Variants in ALKBH8 observed in about 807,000 individuals in gnomAD.
ALKBH8 encodes the protein alkB homolog 8, tRNA methyltransferase.
A neutral mutation model predicts 59.8 loss-of-function variants in ALKBH8; 36 were observed. That is an observed-to-expected ratio of 0.60 (90% CI 0.46 to 0.79). The LOEUF (loss-of-function observed/expected upper bound fraction) is 0.79, where lower values mean the gene tolerates loss of function less well. Among genes scored for constraint, ALKBH8 ranks in the 30% least tolerant of loss-of-function variants. ALKBH8 has a pLI of 0.00. For missense variants in ALKBH8, 768 were observed against 801.0 expected (o/e 0.96, Z 0.50); for synonymous variants, 276 against 273.6 (o/e 1.01, Z -0.09).
At chr11:107,530,634 C>CAT (rs1410384674) in intron 8 of ALKBH8, among the ~76,000 whole-genome samples, 3 of 126,202 alleles carry the variant, frequency 2.4e-5, no homozygotes, top group African/African-American at 5.3e-5. Context: ...CACACACACA[C>CAT]ACACACACAC....
chr11:107,525,583 G>A lies in ALKBH8; in HGVS notation c.888C>T (p.Cys296=), dbSNP rs762247723. The A allele has an allele frequency of 1.1e-5, 16 of 1,395,392 alleles. No individual in the cohort carries two copies. The highest frequency in any genetic ancestry group is 1.7e-5 in the South Asian group (1 of 58,480). 86.4% of individuals were successfully genotyped at this position (1,395,392 alleles called of 1,614,324 possible). A position where few individuals can be genotyped will look rare whatever the true frequency, so the allele number is the denominator to read the frequency against. ...ATGCTTGAACAGTATCAAATTTTCT[G>A]CACGTGATTCTAAAAACAATAGTCA... ...SRYLWTHGIT[C]RKFDTVQASE... is the part of the protein sequence containing the mutation. Residue 296 remains cysteine, a synonymous_variant, in exon 9 of 12, where the codon TGC becomes TGT. Coordinates refer to ENST00000428149, the MANE Select transcript of ALKBH8 (RefSeq NM_138775.3).
intron 1 of ALKBH8, among the ~76,000 whole-genome samples, chr11:107,562,331 T>C (rs756912088): frequency 4.1e-5 from 6 of 147,556 alleles, no homozygotes; most frequent in Non-Finnish European, 8.9e-5. Flanking sequence ...ACTGGAAAAG[T>C]TGGGAAGGCC....
rs141646791 is a variant in ALKBH8, at chr11:107,553,832, G to A, written c.499+15C>T. 459 of 1,602,044 alleles carry A rather than the reference G, an allele frequency of 2.9e-4. 2 individuals are homozygous for A. In the African/African-American group the frequency reaches 4.2e-3, roughly 15 times the overall value. On this transcript the variant is annotated intron_variant, in intron 4 of 11. Coordinates refer to ENST00000428149, the MANE Select transcript of ALKBH8 (RefSeq NM_138775.3). ...CAGAAACTTTCAAATATCAGATTTTGAAAGTTTTACTTACAGTTTTGATTG... is the reference window on the plus strand; with the variant it reads ...CAGAAACTTTCAAATATCAGATTTTAAAAGTTTTACTTACAGTTTTGATTG...
At position 107,505,520 on chromosome 11, in the gene ALKBH8, G is replaced by T. The variant is rs192642606; in HGVS notation, c.1438-305C>A. ...GATGACTTCTTCTAGGGCTATAAGC[G>T]GTAATATGAAGCACTTTGACATTAA... On this transcript the variant is annotated intron_variant, in intron 11 of 11. Transcript: ENST00000428149. 3.4e-3 allele frequency among the ~76,000 whole-genome samples: 520 copies of T among 152,284 alleles called. 2 individuals carry two copies. The highest frequency in any genetic ancestry group is 0.011 in the African/African-American group (445 of 41,566).
At chr11:107,553,073 G>T in intron 5 of ALKBH8, 35 bp downstream of exon 5, 1 of 1,311,780 alleles carries the variant, frequency 7.6e-7, no homozygotes. Flanking sequence ...TAATATTTTT[G>T]AGCCAGAATT....
chr11:107,540,300 C>A (rs1234868362), intron 7 of ALKBH8, among the ~76,000 whole-genome samples: 4 of 152,184 alleles, frequency 2.6e-5, no homozygotes, highest in Admixed American at 2.6e-4. Flanking sequence ...TCAAATACAA[C>A]CCTGACTTCC....
chr11:107,505,276 A>G, intron 11 of ALKBH8, 61 bp from the exon 12 acceptor site: 1 of 1,338,438 alleles, frequency 7.5e-7, no homozygotes, highest in South Asian at 1.5e-5. Flanking sequence ...AGAAAATAAA[A>G]CTGACCATAG....
At chr11:107,517,132 A>C (rs1862896105) in intron 10 of ALKBH8, among the ~76,000 whole-genome samples, 1 of 152,248 alleles carries the variant, frequency 6.6e-6, no homozygotes, top group Non-Finnish European at 1.5e-5. Context: ...ATTTCTTTAA[A>C]AAAGACATAC....
At chr11:107,538,837 C>T (rs1474636328) in intron 7 of ALKBH8, among the ~76,000 whole-genome samples, 7 of 152,028 alleles carry the variant, frequency 4.6e-5, no homozygotes, top group Admixed American at 6.6e-5. Flanking sequence ...AGAAAGAGGC[C>T]GAGATGATTA....
intron 10 of ALKBH8, among the ~76,000 whole-genome samples, chr11:107,515,504 C>T (rs770104713): frequency 2.0e-4 from 30 of 152,038 alleles, no homozygotes; most frequent in Admixed American, 3.9e-4. Flanking sequence ...TACAGGTGCA[C>T]GCCATCATGC....
At chr11:107,506,808 A>T (rs2135463297) in intron 11 of ALKBH8, among the ~76,000 whole-genome samples, 1 of 152,344 alleles carries the variant, frequency 6.6e-6, no homozygotes, top group African/African-American at 2.4e-5. Context: ...CTCTTCGAGC[A>T]AAAGAAACTT....
chr11:107,519,790 T>C (rs1167565594), intron 10 of ALKBH8, among the ~76,000 whole-genome samples: 2 of 152,178 alleles, frequency 1.3e-5, no homozygotes, highest in African/African-American at 2.4e-5. Context: ...ACCTGTAAAC[T>C]CTGAATTTGA....
intron 10 of ALKBH8, among the ~76,000 whole-genome samples, chr11:107,515,605 C>A (rs1330378833): frequency 6.6e-6 from 1 of 152,160 alleles, no homozygotes; most frequent in African/African-American, 2.4e-5. Flanking sequence ...AGTCTTCCCA[C>A]CTCGGCCTCT....
At chr11:107,516,059 T>A (rs560834908) in intron 10 of ALKBH8, among the ~76,000 whole-genome samples, 2 of 152,334 alleles carry the variant, frequency 1.3e-5, no homozygotes, top group East Asian at 3.9e-4. Flanking sequence ...TTAAAGCAGA[T>A]TCTTTGTAGC....
chr11:107,561,383 CA>C (rs35555057), intron 1 of ALKBH8, among the ~76,000 whole-genome samples: 50 of 139,164 alleles, frequency 3.6e-4, no homozygotes, highest in East Asian at 4.2e-4. Context: ...ATAGCAGTGC[CA>C]AAAAAAAAAG....
intron 10 of ALKBH8, among the ~76,000 whole-genome samples, chr11:107,520,196 C>G (rs755573416): frequency 1.3e-5 from 2 of 152,094 alleles, no homozygotes; most frequent in Non-Finnish European, 2.9e-5. Context: ...TTCAACAAAC[C>G]ATTAATTAGT....
chr11:107,514,323 T>TA (rs909217328), intron 10 of ALKBH8, among the ~76,000 whole-genome samples: 4 of 152,080 alleles, frequency 2.6e-5, no homozygotes, highest in East Asian at 1.9e-4. Flanking sequence ...GAATGGAAAT[T>TA]AAAAAAAATT....
chr11:107,513,413 T>G (rs635577), intron 10 of ALKBH8, among the ~76,000 whole-genome samples: 120,838 of 152,126 alleles, frequency 0.79, 48,678 homozygotes, highest in South Asian at 0.87. Flanking sequence ...CTGGTGAGGT[T>G]GCAGAGAAAA....
chr11:107,541,521 T>C (rs542553931), intron 7 of ALKBH8, among the ~76,000 whole-genome samples: 13 of 152,354 alleles, frequency 8.5e-5, no homozygotes, highest in Admixed American at 3.3e-4. Context: ...AGAACTACCA[T>C]TGGGGGCCTA....
Sources: gnomAD v4.1 joint callset for allele counts (sites outside exome capture counted in the v4.1 genomes callset) on GRCh38, gnomAD v4.1.1 for gene constraint, MANE v1.5 for transcripts, NCBI Gene and HGNC (gene_info 2026-07-23, HGNC 2026-07-21) for gene names.